The following DAB1 variants were observed in gnomAD, a reference collection of about 807,000 sequenced individuals.
DAB1 encodes the protein DAB adaptor protein 1.
DAB1 carries 15 observed loss-of-function variants against 64.6 expected under a neutral mutation model. The observed-to-expected ratio is 0.23, with a 90% CI of 0.16 to 0.36. The LOEUF (loss-of-function observed/expected upper bound fraction) is 0.36. Ranked by LOEUF, DAB1 falls within the 10% of genes least tolerant of loss-of-function variation. The pLI, the probability that DAB1 is intolerant of heterozygous loss-of-function variation, is 1.00. For missense variants in DAB1, 596 were observed against 706.7 expected (o/e 0.84, Z 1.78); for synonymous variants, 235 against 251.9 (o/e 0.93, Z 0.64).
In DAB1 at chr1:57,238,506, G is replaced by C. The variant is rs574821868; in HGVS notation, c.67+52458C>G. Among the ~76,000 whole-genome samples, 52 of 152,302 alleles carry C rather than the reference G, an allele frequency of 3.4e-4. No homozygotes were observed. In the Middle Eastern group the frequency reaches 0.01, roughly 30 times the overall value. ...CTCTCTTGCTCACTTCTATTGGAGA[G>C]TTTTTAGGGATGAAGTCAGTAAGGT... is the stretch of plus-strand genomic sequence containing the variant. On this transcript the variant is annotated intron_variant, in intron 2 of 14. Coordinates refer to ENST00000371236, the MANE Select transcript of DAB1 (RefSeq NM_001365792.1).
At chr1:57,250,428 G>A (rs1669248650) in intron 2 of DAB1, among the ~76,000 whole-genome samples, 2 of 152,174 alleles carry the variant, frequency 1.3e-5, no homozygotes, top group African/African-American at 4.8e-5. Context: ...AGGTACTCCA[G>A]TCTAGGCAGA....
chr1:58,512,864 T>C (rs1200432709), intron 2 of DAB1, among the ~76,000 whole-genome samples: 4 of 152,090 alleles, frequency 2.6e-5, no homozygotes, highest in African/African-American at 9.7e-5. Context: ...TGTTGTAAAA[T>C]TATAAATTTA....
intron 3 of DAB1, among the ~76,000 whole-genome samples, chr1:58,477,495 T>C (rs1024356894): frequency 6.6e-6 from 1 of 152,084 alleles, no homozygotes; most frequent in Non-Finnish European, 1.5e-5. Flanking sequence ...TGTTGACTCA[T>C]ACCCATCATC....
intron 5 of DAB1, among the ~76,000 whole-genome samples, chr1:58,065,109 T>G (rs182494016): frequency 6.6e-6 from 1 of 152,314 alleles, no homozygotes; most frequent in East Asian, 1.9e-4. Flanking sequence ...AACAACCCCA[T>G]GAATGAATTG....
At chr1:58,395,468 T>C (rs755219305) in intron 3 of DAB1, among the ~76,000 whole-genome samples, 1 of 152,226 alleles carries the variant, frequency 6.6e-6, no homozygotes, top group Admixed American at 6.5e-5. Flanking sequence ...TAACTTTCTA[T>C]GATACCATAT....
chr1:57,372,376 A>G (rs995682400), intron 1 of DAB1, among the ~76,000 whole-genome samples: 1 of 152,184 alleles, frequency 6.6e-6, no homozygotes, highest in African/African-American at 2.4e-5. Context: ...AGAAAGACAC[A>G]TGGGACCTGA....
chr1:58,100,495 A>G (rs916224736), intron 5 of DAB1, among the ~76,000 whole-genome samples: 2 of 152,084 alleles, frequency 1.3e-5, no homozygotes, highest in Admixed American at 6.5e-5. Context: ...TTCAGCTTTT[A>G]GACTATTGTG....
At chr1:57,991,293 TA>T (rs1383287458) in intron 5 of DAB1, among the ~76,000 whole-genome samples, 3 of 152,200 alleles carry the variant, frequency 2.0e-5, no homozygotes, top group African/African-American at 7.2e-5. Flanking sequence ...ACTTTTCTGG[TA>T]ACCTAAAATT....
At position 57,116,722 on chromosome 1, in the gene DAB1, A is replaced by G. The variant is rs192541493; in HGVS notation, c.306+19821T>C. ...CTTGCAGACAAGATGGTGGAAAAAA[A>G]GAAGATTATAGCCCAATGGCTTCAA... On this transcript the variant is annotated intron_variant, in intron 4 of 14. Transcript: ENST00000371236. Among the ~76,000 whole-genome samples, 116 of 152,268 alleles carry G rather than the reference A, an allele frequency of 7.6e-4. 1 individual carries two copies. Among genetic ancestry groups the G allele is most frequent in the African/African-American group, 2.7e-3 (112 of 41,572 alleles).
intron 3 of DAB1, among the ~76,000 whole-genome samples, chr1:58,447,980 C>T (rs1412481495): frequency 1.3e-5 from 2 of 151,968 alleles, no homozygotes; most frequent in Non-Finnish European, 2.9e-5. Context: ...TTGCCATTCC[C>T]CCGGGGGAAT....
intron 2 of DAB1, among the ~76,000 whole-genome samples, chr1:57,238,841 G>GCACACACA (rs373675306): frequency 3.6e-4 from 50 of 138,366 alleles, no homozygotes; most frequent in South Asian, 9.7e-4. Flanking sequence ...GTGCACATGC[G>GCACACACA]CACACACACA....
At chr1:57,609,367 A>G (rs1645698518) in intron 7 of DAB1, among the ~76,000 whole-genome samples, 1 of 152,240 alleles carries the variant, frequency 6.6e-6, no homozygotes, top group South Asian at 2.1e-4. Flanking sequence ...AGGTATTATA[A>G]GTAATCTAGA....
At chr1:57,995,851 C>T (rs1445380776) in intron 5 of DAB1, among the ~76,000 whole-genome samples, 1 of 151,742 alleles carries the variant, frequency 6.6e-6, no homozygotes, top group African/African-American at 2.4e-5. Flanking sequence ...AGAAGCCCCA[C>T]AGACCAAGCA....
intron 4 of DAB1, among the ~76,000 whole-genome samples, chr1:58,277,977 T>C (rs945807841): frequency 6.6e-6 from 1 of 152,258 alleles, no homozygotes; most frequent in African/African-American, 2.4e-5. Context: ...TGCATCTCAT[T>C]GGTTCACATT....
In DAB1 at chr1:58,267,692, A is replaced by G. The variant is rs946157408; in HGVS notation, n.309+75660T>C. ...GCTGAGCGAACATCAGTATATGTCA[A>G]TCTCATAAGGATTAGATAAGTATAT... On this transcript the variant is annotated intron_variant and non_coding_transcript_variant, in intron 4 of 20. Coordinates refer to the DAB1 transcript ENST00000485760. Among the ~76,000 whole-genome samples the G allele has an allele frequency of 6.6e-5, 10 of 152,160 alleles. 1 individual carries two copies. The highest frequency in any genetic ancestry group is 1.2e-4 in the Non-Finnish European group (8 of 68,030).
intron 3 of DAB1, among the ~76,000 whole-genome samples, chr1:58,475,813 G>C (rs1418496586): frequency 1.3e-5 from 2 of 152,062 alleles, no homozygotes; most frequent in African/African-American, 2.4e-5. Flanking sequence ...AAATAAATGA[G>C]ACTAGTGATG....
In DAB1 at chr1:57,015,145, A is replaced by G; in HGVS notation, c.1182T>C (p.Ser394=). The G allele has an allele frequency of 6.2e-7, 1 of 1,614,050 alleles. No individual in the cohort carries two copies. Among genetic ancestry groups the G allele is most frequent in the South Asian group, 1.1e-5 (1 of 91,082 alleles). ...LTPLATVPGT[S]DSTRSSPQTD... ...TCTGTGGACTTGACCTGGTGGAGTC[A>G]CTCGTGCCTGGGACGGTGGCAAGGG... Residue 394 remains serine (S), a synonymous_variant, in exon 12 of 15, where the codon AGT becomes AGC. Coordinates refer to ENST00000371236, the MANE Select transcript of DAB1 (RefSeq NM_001365792.1).
At chr1:58,365,304 T>C (rs60086010) in intron 3 of DAB1, among the ~76,000 whole-genome samples, 14,180 of 152,182 alleles carry the variant, frequency 0.093, 667 homozygotes, top group Middle Eastern at 0.13. Context: ...AAGAGAGTCA[T>C]AGTAGATAGG....
chr1:57,213,275 T>C (rs188487842), intron 2 of DAB1, among the ~76,000 whole-genome samples: 2 of 152,336 alleles, frequency 1.3e-5, no homozygotes, highest in East Asian at 3.9e-4. Flanking sequence ...ATATAAACAA[T>C]TACTTAGATT....
Sources: gnomAD v4.1 joint callset for allele counts (sites outside exome capture counted in the v4.1 genomes callset) on GRCh38, gnomAD v4.1.1 for gene constraint, MANE v1.5 for transcripts, NCBI Gene and HGNC (gene_info 2026-07-23, HGNC 2026-07-21) for gene names.